SLC2A1: variants seen among roughly 807,000 people sequenced by gnomAD.
SLC2A1 encodes solute carrier family 2 member 1.
SLC2A1 carries 4 observed loss-of-function variants against 46.6 expected under a neutral mutation model. The ratio of observed to expected loss-of-function variants is 0.09; its 90% CI spans 0.04 to 0.20. The LOEUF (loss-of-function observed/expected upper bound fraction) is 0.20, where lower values mean the gene tolerates loss of function less well. Ranked by LOEUF, SLC2A1 falls within the 10% of genes least tolerant of loss-of-function variation. The probability of loss-of-function intolerance (pLI) is 1.00; values close to 1 mark genes in which losing one functional copy is unlikely to be tolerated. For missense variants in SLC2A1, 352 were observed against 667.0 expected (o/e 0.53, Z 5.20); for synonymous variants, 253 against 270.0 (o/e 0.94, Z 0.62).
At chr1:42,937,875 G>T (rs1333656573) in intron 2 of SLC2A1, among the ~76,000 whole-genome samples, 1 of 152,144 alleles carries the variant, frequency 6.6e-6, no homozygotes, top group Non-Finnish European at 1.5e-5. Flanking sequence ...ACAGGGCTTG[G>T]GTTGGGAGGC....
At chr1:42,946,210 G>A (rs968597237) in intron 1 of SLC2A1, among the ~76,000 whole-genome samples, 1 of 152,178 alleles carries the variant, frequency 6.6e-6, no homozygotes, top group Non-Finnish European at 1.5e-5. Context: ...ATACCCCTCC[G>A]CTGGACCTTG....
intron 1 of SLC2A1, among the ~76,000 whole-genome samples, chr1:42,943,898 ACATTGG>A (rs1643623470): frequency 2.0e-5 from 3 of 152,188 alleles, no homozygotes; most frequent in African/African-American, 7.2e-5. Context: ...TTCGTTTGTC[ACATTGG>A]AGATGTGATC....
At chr1:42,944,215 T>C (rs1643627820) in intron 1 of SLC2A1, among the ~76,000 whole-genome samples, 2 of 152,096 alleles carry the variant, frequency 1.3e-5, no homozygotes, top group Non-Finnish European at 2.9e-5. Flanking sequence ...TTCTGTCCAT[T>C]GGAAGCCGAG....
Position 42,927,930 on chromosome 1 carries a change from C to G in SLC2A1, c.1075-122G>C, listed in dbSNP as rs1316150891. ...GAAGGCAGGAAGCCTGGGGATGGTC[C>G]TGGATTTGTTGTGTATCCAGCATTG... On this transcript the variant is annotated intron_variant, in intron 8 of 9. Coordinates refer to ENST00000426263, the MANE Select transcript of SLC2A1 (RefSeq NM_006516.4). The surrounding 1 kb of genome is among the most constrained non-coding windows in gnomAD (Gnocchi z 5.3). The G allele has an allele frequency of 1.3e-6, 1 of 787,736 alleles. No individual in the cohort carries two copies. The highest frequency in any genetic ancestry group is 2.2e-6 in the Non-Finnish European group (1 of 463,528). The allele number at this position is 787,736 out of a possible 1,614,324, so 48.8% of individuals were successfully genotyped here. A position where few individuals can be genotyped will look rare whatever the true frequency, so the allele number is the denominator to read the frequency against.
At chr1:42,946,922 T>C (rs137936862) in intron 1 of SLC2A1, among the ~76,000 whole-genome samples, 2 of 152,366 alleles carry the variant, frequency 1.3e-5, no homozygotes, top group Admixed American at 6.5e-5. Flanking sequence ...AAGGCAGCCC[T>C]GCTCTGGGCC....
chr1:42,958,822 C>T lies in SLC2A1; in HGVS notation c.-171G>A, dbSNP rs1041699945. On this transcript the variant is annotated 5_prime_UTR_variant, in exon 1 of 10. Coordinates refer to ENST00000426263, the MANE Select transcript of SLC2A1 (RefSeq NM_006516.4). ...CTCCCTGGCGTGCTCACTCGGGGAC[C>T]CGCGACTAGCGACCGGCACGCTCGC... 6 of 608,224 alleles carry T rather than the reference C, an allele frequency of 9.9e-6. No homozygotes were observed. The highest frequency in any genetic ancestry group is 3.0e-5 in the Admixed American group (1 of 33,660). The allele number at this position is 608,224 out of a possible 1,614,324, so 37.7% of individuals were successfully genotyped here. A position where few individuals can be genotyped will look rare whatever the true frequency, so the allele number is the denominator to read the frequency against.
rs115187946 is a variant in SLC2A1 at position 42,928,080 on chromosome 1, C to T, written c.1075-272G>A. The stretch of plus-strand genomic sequence containing the variant: ...GACGGTGCTAAGAGGCCCCATGGTC[C>T]CCTGTCTGTGCCTGCAGCACAGTCC... On this transcript the variant is annotated intron_variant, in intron 8 of 9. Transcript: ENST00000426263. Among the ~76,000 whole-genome samples the T allele has an allele frequency of 6.6e-3, 1,001 of 152,268 alleles. 8 individuals are homozygous for T. The highest frequency in any genetic ancestry group is 0.023 in the African/African-American group (964 of 41,544).
At chr1:42,941,099 G>A (rs1040506044) in intron 2 of SLC2A1, among the ~76,000 whole-genome samples, 10 of 152,126 alleles carry the variant, frequency 6.6e-5, no homozygotes, top group South Asian at 2.1e-4. Context: ...CTAGTCCAAC[G>A]GCAACTTTCT....
chr1:42,939,677 G>A (rs943962022), intron 2 of SLC2A1, among the ~76,000 whole-genome samples: 7 of 152,204 alleles, frequency 4.6e-5, no homozygotes, highest in African/African-American at 1.7e-4. Flanking sequence ...GCTGGGCATG[G>A]TGGCTCATAC....
In SLC2A1 at chr1:42,926,638, G is replaced by C; in HGVS notation, c.*403C>G. The C allele has an allele frequency of 8.4e-7, 1 of 1,195,882 alleles. No homozygotes were observed. The highest frequency in any genetic ancestry group is 2.5e-5 in the Admixed American group (1 of 40,640). The allele number at this position is 1,195,882 out of a possible 1,614,324, so 74.1% of individuals were successfully genotyped here. ...TTGTAGTTCATAGTTCGATTAGTGT[G>C]TCCTTAGGACATAGGTCCAGCCCTA... is the stretch of plus-strand genomic sequence containing the variant. On this transcript the variant is annotated 3_prime_UTR_variant, in exon 10 of 10. Transcript: ENST00000426263.
At position 42,927,578 on chromosome 1, in the gene SLC2A1, G is replaced by GAGAAATGGTT; in HGVS notation, c.1278+26_1278+27insAACCATTTCT. On this transcript the variant is annotated intron_variant, in intron 9 of 9. Coordinates refer to ENST00000426263, the MANE Select transcript of SLC2A1 (RefSeq NM_006516.4). The surrounding 1 kb of genome is among the most constrained non-coding windows in gnomAD (Gnocchi z 5.3). ...GCACTGTGGGGTCATGCGTGCGGGT[G>GAGAAATGGTT]AGTATAGAGACAGTGGGGGTTCTCA... 1 of 1,601,726 alleles carries GAGAAATGGTT rather than the reference G, an allele frequency of 6.2e-7. No individual in the cohort carries two copies. Among genetic ancestry groups the GAGAAATGGTT allele is most frequent in the Non-Finnish European group, 8.5e-7 (1 of 1,169,742 alleles).
intron 1 of SLC2A1, among the ~76,000 whole-genome samples, chr1:42,947,634 A>G (rs533163736): frequency 5.4e-5 from 8 of 149,266 alleles, no homozygotes; most frequent in Non-Finnish European, 7.4e-5. Context: ...ACACATCTGT[A>G]TCACCTGAGC....
At chr1:42,956,686 T>C (rs948209428) in intron 1 of SLC2A1, among the ~76,000 whole-genome samples, 1 of 152,242 alleles carries the variant, frequency 6.6e-6, no homozygotes. Flanking sequence ...AGTGGAAAAC[T>C]TGGAGAACAC....
In SLC2A1 at chr1:42,931,196, T is replaced by G. The variant is rs748082803; in HGVS notation, c.125A>C (p.Glu42Ala). ...VINAPQKVIE[E>A]FYNQTWVHRY... ...GTGGACCCATGTCTGGTTGTAGAACTCCTCGATCACCTGCAGGGGGAGATG... is the reference window on the plus strand; with the variant it reads ...GTGGACCCATGTCTGGTTGTAGAACGCCTCGATCACCTGCAGGGGGAGATG... The change falls in exon 3 of 10, where the codon GAG becomes GCG. Residue 42 changes from glutamate (E) to alanine (A), a missense_variant. By Grantham distance (107) the Glu-to-Ala change is moderately radical (BLOSUM62 -1). Transcript: ENST00000426263. 2.9e-5 allele frequency: 46 copies of G among 1,613,590 alleles called. No individual in the cohort carries two copies. The highest frequency in any genetic ancestry group is 3.9e-5 in the Non-Finnish European group (46 of 1,179,686).
At position 42,930,960 on chromosome 1, in the gene SLC2A1, C is replaced by T; in HGVS notation, c.275+86G>A. 1 of 1,606,602 alleles carries T rather than the reference C, an allele frequency of 6.2e-7. No individual in the cohort carries two copies. Among genetic ancestry groups the T allele is most frequent in the Non-Finnish European group, 8.5e-7 (1 of 1,177,124 alleles). On this transcript the variant is annotated intron_variant, in intron 3 of 9. Coordinates refer to ENST00000426263, the MANE Select transcript of SLC2A1 (RefSeq NM_006516.4). This position sits in a 1 kb window ranked among gnomAD's most constrained non-coding sequence, Gnocchi z 6.2. Reference sequence around the variant, plus strand: ...AATACCCTGGAACAGGCAGATAAGTCTCCCCTACCTCCCACCCCATCTGGG... The same window carrying T: ...AATACCCTGGAACAGGCAGATAAGTTTCCCCTACCTCCCACCCCATCTGGG...
At position 42,929,559 on chromosome 1, in the gene SLC2A1, C is replaced by A; in HGVS notation, c.867+34G>T. ...ATGCACACTTGACCAGAGGGCTTGG[C>A]TGGGGCACAGGAAGGGTGGGTGGGG... is the stretch of plus-strand genomic sequence containing the variant. On this transcript the variant is annotated intron_variant, in intron 6 of 9. Coordinates refer to ENST00000426263, the MANE Select transcript of SLC2A1 (RefSeq NM_006516.4). The surrounding 1 kb of genome is among the most constrained non-coding windows in gnomAD (Gnocchi z 6.0). 1 of 1,588,396 alleles carries A rather than the reference C, an allele frequency of 6.3e-7. No individual in the cohort carries two copies.
At chr1:42,935,463 G>A (rs777761938) in intron 2 of SLC2A1, among the ~76,000 whole-genome samples, 3 of 152,180 alleles carry the variant, frequency 2.0e-5, no homozygotes, top group South Asian at 2.1e-4. Flanking sequence ...GGCATGAGGC[G>A]GCGAACACTG....
At chr1:42,942,805 GGT>G (rs1491182049) in intron 2 of SLC2A1, among the ~76,000 whole-genome samples, 136 of 152,152 alleles carry the variant, frequency 8.9e-4, no homozygotes, top group Non-Finnish European at 1.5e-3. Context: ...GGCTGGGAGT[GGT>G]GCCTGCTGCC....
intron 2 of SLC2A1, among the ~76,000 whole-genome samples, chr1:42,932,505 A>G (rs755302802): frequency 3.3e-5 from 5 of 152,124 alleles, no homozygotes; most frequent in Admixed American, 6.5e-5. Context: ...ACAAACTCAC[A>G]TGCCCCTCAT....
Sources: gnomAD v4.1 joint callset for allele counts (sites outside exome capture counted in the v4.1 genomes callset) on GRCh38, gnomAD v4.1.1 for gene constraint, Gnocchi (gnomAD v3.1) non-coding constraint, MANE v1.5 for transcripts, NCBI Gene and HGNC (gene_info 2026-07-23, HGNC 2026-07-21) for gene names.